Variants in TMEM182 observed in about 807,000 individuals in gnomAD.
TMEM182 encodes transmembrane protein 182.
TMEM182 carries 20 observed loss-of-function variants against 26.8 expected under a neutral mutation model. The observed-to-expected ratio is 0.75, with a 90% CI of 0.53 to 1.09. The LOEUF (loss-of-function observed/expected upper bound fraction) is 1.09. Among genes scored for constraint, TMEM182 ranks in the 50% least tolerant of loss-of-function variants. The probability of loss-of-function intolerance (pLI) is 0.00; values close to 1 mark genes in which losing one functional copy is unlikely to be tolerated. For synonymous variants in TMEM182, 109 were observed against 102.2 expected, an observed-to-expected ratio of 1.07 and a Z score of -0.40; for missense variants, 277 against 275.5, an observed-to-expected ratio of 1.01 and a Z score of -0.04.
chr2:102,796,878 G>GA (rs369610181), intron 3 of TMEM182, among the ~76,000 whole-genome samples: 40 of 150,956 alleles, frequency 2.6e-4, no homozygotes, highest in Admixed American at 6.6e-4. Context: ...GGCTTCTTGA[G>GA]AAAAAAAAAT....
At chr2:102,821,769 A>G (rs1163314110), downstream of TMEM182, among the ~76,000 whole-genome samples, 1 of 152,082 alleles carries the variant, frequency 6.6e-6, no homozygotes, top group Non-Finnish European at 1.5e-5. Flanking sequence ...CGGGCAGATC[A>G]CGTGGTCAGG....
chr2:102,804,092 C>T (rs1682257231), intron 4 of TMEM182, among the ~76,000 whole-genome samples: 1 of 152,186 alleles, frequency 6.6e-6, no homozygotes, highest in African/African-American at 2.4e-5. Flanking sequence ...CAAGGTGTGG[C>T]TACAGTGGCT....
At chr2:102,786,907 C>CA (rs1681418883) in intron 3 of TMEM182, among the ~76,000 whole-genome samples, 1 of 152,188 alleles carries the variant, frequency 6.6e-6, no homozygotes, top group South Asian at 2.1e-4. Context: ...GTACAGTGCT[C>CA]AGTCTAGTGA....
Position 102,815,067 on chromosome 2 carries a change from T to C in TMEM182, c.*99T>C, listed in dbSNP as rs766271892. On this transcript the variant is annotated 3_prime_UTR_variant, in exon 5 of 5. Coordinates refer to ENST00000412401, the MANE Select transcript of TMEM182 (RefSeq NM_144632.5). Reference sequence around the variant, plus strand: ...GATCCCAGCATAAAGTTAGTAGATATAACTTTTTAGTTGCTATTCAAATTA... The same window carrying C: ...GATCCCAGCATAAAGTTAGTAGATACAACTTTTTAGTTGCTATTCAAATTA... 5.4e-6 allele frequency: 8 copies of C among 1,484,184 alleles called. No homozygotes were observed. Among genetic ancestry groups the C allele is most frequent in the African/African-American group, 1.4e-5 (1 of 70,744 alleles). 91.9% of individuals were successfully genotyped at this position (1,484,184 alleles called of 1,614,324 possible).
chr2:102,826,253 G>A (rs917965310), intron 3 of TMEM182, among the ~76,000 whole-genome samples: 2 of 149,008 alleles, frequency 1.3e-5, no homozygotes, highest in Non-Finnish European at 3.0e-5. Flanking sequence ...TTTCCTCCAA[G>A]CAAAATAACT....
chr2:102,781,787 G>A (rs956389716), intron 3 of TMEM182, among the ~76,000 whole-genome samples: 2 of 152,130 alleles, frequency 1.3e-5, no homozygotes, highest in African/African-American at 4.8e-5. Flanking sequence ...AACATTTGAC[G>A]TAAGGTTTTG....
chr2:102,776,822 G>A lies in TMEM182; in HGVS notation c.331+12395G>A, dbSNP rs1343365954. Among the ~76,000 whole-genome samples, 8 of 152,162 alleles carry A rather than the reference G, an allele frequency of 5.3e-5. No individual in the cohort carries two copies. The South Asian group carries it at 6.2e-4, about 12-fold the overall frequency. ...ATCCTTGTCAGCATTTGGTGTTGTC[G>A]GTGCTTTTGGACTTAGCCATTCGAA... On this transcript the variant is annotated intron_variant, in intron 3 of 4. Transcript: ENST00000412401.
downstream of TMEM182, among the ~76,000 whole-genome samples, chr2:102,818,306 A>T (rs1251268700): frequency 6.6e-6 from 1 of 152,216 alleles, no homozygotes; most frequent in Non-Finnish European, 1.5e-5. Context: ...AGAATGTAGG[A>T]TGACAATACC....
intron 3 of TMEM182, among the ~76,000 whole-genome samples, chr2:102,785,916 T>G (rs1453066231): frequency 1.3e-5 from 2 of 152,170 alleles, no homozygotes; most frequent in East Asian, 3.9e-4. Context: ...TTCTACTGTC[T>G]GTACAAAAGC....
At chr2:102,774,701 T>G (rs1034823530) in intron 3 of TMEM182, among the ~76,000 whole-genome samples, 2 of 152,188 alleles carry the variant, frequency 1.3e-5, no homozygotes, top group African/African-American at 4.8e-5. Flanking sequence ...ACACCCTTTG[T>G]TAAAAAGACT....
At chr2:102,842,259 C>A (rs1163179549) in intron 3 of TMEM182, among the ~76,000 whole-genome samples, 3 of 152,128 alleles carry the variant, frequency 2.0e-5, no homozygotes, top group Non-Finnish European at 4.4e-5. Flanking sequence ...TCCCTCTCTG[C>A]ATTATTTATT....
chr2:102,796,262 C>T (rs1291821958), intron 3 of TMEM182, among the ~76,000 whole-genome samples: 1 of 152,342 alleles, frequency 6.6e-6, no homozygotes, highest in South Asian at 2.1e-4. Flanking sequence ...TCTGTTAAGA[C>T]TTGACTTTCC....
intron 3 of TMEM182, among the ~76,000 whole-genome samples, chr2:102,836,858 C>G (rs1398644686): frequency 6.6e-6 from 1 of 152,226 alleles, no homozygotes; most frequent in East Asian, 1.9e-4. Flanking sequence ...GCGTTCAGTC[C>G]TTGGCCTTAT....
At chr2:102,828,338 A>T (rs910548377) in intron 3 of TMEM182, among the ~76,000 whole-genome samples, 4 of 152,210 alleles carry the variant, frequency 2.6e-5, no homozygotes, top group African/African-American at 9.6e-5. Context: ...GAAATTGGGC[A>T]TGGAGACACT....
At chr2:102,744,685 G>A (rs73003320) in intron 1 of TMEM182, among the ~76,000 whole-genome samples, 2,328 of 152,156 alleles carry the variant, frequency 0.015, 60 homozygotes, top group African/African-American at 0.052. Context: ...AGATTGACAA[G>A]TGTTTTATTT....
At chr2:102,752,789 A>G (rs1347335287) in intron 1 of TMEM182, among the ~76,000 whole-genome samples, 2 of 152,250 alleles carry the variant, frequency 1.3e-5, no homozygotes, top group Non-Finnish European at 2.9e-5. Context: ...GGAACTAGTA[A>G]CATACCCCAG....
At chr2:102,754,917 A>G (rs1433770064) in intron 1 of TMEM182, among the ~76,000 whole-genome samples, 4 of 152,252 alleles carry the variant, frequency 2.6e-5, no homozygotes, top group Non-Finnish European at 5.9e-5. Context: ...TCTGTTGCTT[A>G]TAGTCATCCA....
At chr2:102,768,616 G>A (rs1389408552) in intron 3 of TMEM182, among the ~76,000 whole-genome samples, 1 of 151,820 alleles carries the variant, frequency 6.6e-6, no homozygotes, top group African/African-American at 2.4e-5. Flanking sequence ...CATGAGAATT[G>A]CTTGAACCTG....
rs113533748 is a variant in TMEM182, at chr2:102,842,489, C to T, written c.326-923C>T. Among the ~76,000 whole-genome samples, 23 of 152,216 alleles carry T rather than the reference C, an allele frequency of 1.5e-4. 1 individual carries two copies. The highest frequency in any genetic ancestry group is 4.8e-4 in the African/African-American group (20 of 41,524). On this transcript the variant is annotated intron_variant, in intron 3 of 3. Transcript: ENST00000486293. ...TCATTGGCTTCTGGGGAGCTTTCCC[C>T]GGATCCCAATTCCAGGGCTCCACCT...
Sources: gnomAD v4.1 joint callset for allele counts (sites outside exome capture counted in the v4.1 genomes callset) on GRCh38, gnomAD v4.1.1 for gene constraint, MANE v1.5 for transcripts, NCBI Gene and HGNC (gene_info 2026-07-23, HGNC 2026-07-21) for gene names.